Variants in OSBPL1A observed in about 807,000 individuals in gnomAD.
OSBPL1A encodes the protein oxysterol binding protein like 1A, also known as oxysterol-binding protein-related protein 1.
OSBPL1A carries 80 observed loss-of-function variants against 137.1 expected under a neutral mutation model. That is an observed-to-expected ratio of 0.58 (90% confidence interval 0.49 to 0.70). The LOEUF (loss-of-function observed/expected upper bound fraction) is 0.70, where lower values mean the gene tolerates loss of function less well. Ranked by LOEUF, OSBPL1A falls within the 30% of genes least tolerant of loss-of-function variation. The probability of loss-of-function intolerance (pLI) is 0.00; values close to 1 mark genes in which losing one functional copy is unlikely to be tolerated. For synonymous variants in OSBPL1A, 365 were observed against 389.7 expected (o/e 0.94, Z 0.75); for missense variants, 970 against 1,129.4 (o/e 0.86, Z 2.02).
intron 15 of OSBPL1A, among the ~76,000 whole-genome samples, chr18:24,251,085 C>G (rs532440443): frequency 3.9e-5 from 6 of 152,234 alleles, no homozygotes; most frequent in Non-Finnish European, 8.8e-5. Context: ...TCAGCTTAGC[C>G]ACAGTAGAAT....
At chr18:24,295,926 A>G (rs1304767522) in intron 14 of OSBPL1A, among the ~76,000 whole-genome samples, 1 of 152,058 alleles carries the variant, frequency 6.6e-6, no homozygotes, top group Non-Finnish European at 1.5e-5. Context: ...TATAATTTAA[A>G]GTCCAATAAT....
chr18:24,397,349 A>G (rs533674281), intron 1 of OSBPL1A, among the ~76,000 whole-genome samples: 8 of 152,350 alleles, frequency 5.3e-5, no homozygotes, highest in Non-Finnish European at 8.8e-5. Flanking sequence ...AAGATCTGGT[A>G]GGGGATGCAT....
chr18:24,175,139 C>CGT lies in OSBPL1A; in HGVS notation c.2094-2657_2094-2656insAC, dbSNP rs1567920404. ...ATATATATATATATATATATATACA[C>CGT]ATATATATATATATATGAAGTATCT... On this transcript the variant is annotated intron_variant, in intron 21 of 27. Coordinates refer to ENST00000319481, the MANE Select transcript of OSBPL1A (RefSeq NM_080597.4). Among the ~76,000 whole-genome samples the CGT allele has an allele frequency of 5.8e-5, 7 of 119,826 alleles. 1 individual carries two copies. Among genetic ancestry groups the CGT allele is most frequent in the African/African-American group, 3.0e-4 (7 of 23,016 alleles). 78.6% of individuals were successfully genotyped at this position (119,826 alleles called of 152,430 possible). A position where few individuals can be genotyped will look rare whatever the true frequency, so the allele number is the denominator to read the frequency against.
intron 15 of OSBPL1A, among the ~76,000 whole-genome samples, chr18:24,266,678 G>A (rs1003044642): frequency 2.6e-5 from 4 of 152,148 alleles, no homozygotes; most frequent in African/African-American, 9.7e-5. Context: ...TTAAATGTTA[G>A]GGGGATAGTA....
At chr18:24,351,046 C>G (rs2091429036) in intron 4 of OSBPL1A, among the ~76,000 whole-genome samples, 1 of 151,928 alleles carries the variant, frequency 6.6e-6, no homozygotes, top group Non-Finnish European at 1.5e-5. Context: ...CTAGGCAGAG[C>G]AAGAAGACAT....
intron 2 of OSBPL1A, among the ~76,000 whole-genome samples, chr18:24,373,646 C>T (rs746459423): frequency 6.6e-5 from 10 of 152,168 alleles, no homozygotes; most frequent in Admixed American, 1.3e-4. Context: ...CAAACAGTAA[C>T]ATCTCTATGT....
At chr18:24,339,613 G>A (rs540717955) in intron 5 of OSBPL1A, among the ~76,000 whole-genome samples, 55 of 152,166 alleles carry the variant, frequency 3.6e-4, no homozygotes, top group Non-Finnish European at 6.9e-4. Flanking sequence ...AGTCTGTCAG[G>A]AAAACCTCAG....
rs1023371299 is a variant in OSBPL1A, at chr18:24,214,353, T to C, written c.1601+10689A>G. ...AAAGGATTAACTAGGTCTCCTGCAGTGTGGAGCTCTCTAAGGAGCAGAGAG... is the reference window on the plus strand; with the variant it reads ...AAAGGATTAACTAGGTCTCCTGCAGCGTGGAGCTCTCTAAGGAGCAGAGAG... On this transcript the variant is annotated intron_variant, in intron 17 of 27. Coordinates refer to ENST00000319481, the MANE Select transcript of OSBPL1A (RefSeq NM_080597.4). 2.6e-5 allele frequency among the ~76,000 whole-genome samples: 4 copies of C among 152,202 alleles called. No individual in the cohort carries two copies. The East Asian group carries it at 7.7e-4, about 29-fold the overall frequency.
chr18:24,292,002 T>C (rs1359305763), intron 14 of OSBPL1A, among the ~76,000 whole-genome samples: 1 of 152,250 alleles, frequency 6.6e-6, no homozygotes, highest in East Asian at 1.9e-4. Flanking sequence ...GGAGAATCAC[T>C]TGAACCTGGG....
At chr18:24,258,024 A>G (rs570030915) in intron 15 of OSBPL1A, among the ~76,000 whole-genome samples, 3 of 152,354 alleles carry the variant, frequency 2.0e-5, no homozygotes, top group Admixed American at 6.5e-5. Context: ...GTGAGAATGT[A>G]AATTAGTGCA....
rs187353101 is a variant in OSBPL1A at position 24,344,199 on chromosome 18, C to T, written c.283-2541G>A. 3.0e-3 allele frequency among the ~76,000 whole-genome samples: 450 copies of T among 152,304 alleles called. 1 individual carries two copies. The highest frequency in any genetic ancestry group is 0.01 in the African/African-American group (423 of 41,572). ...GTCAATAAGCCCACGAAGGTAATCCCAGCACTTTGGGAGGCTGAGGCAGAC... is the reference window on the plus strand; with the variant it reads ...GTCAATAAGCCCACGAAGGTAATCCTAGCACTTTGGGAGGCTGAGGCAGAC... On this transcript the variant is annotated intron_variant, in intron 4 of 27. Coordinates refer to ENST00000319481, the MANE Select transcript of OSBPL1A (RefSeq NM_080597.4).
chr18:24,264,753 G>A (rs955449559), intron 15 of OSBPL1A, among the ~76,000 whole-genome samples: 1 of 152,256 alleles, frequency 6.6e-6, no homozygotes, highest in South Asian at 2.1e-4. Flanking sequence ...GGCCACATCC[G>A]CTTGGGCTGT....
In OSBPL1A at chr18:24,361,984, G is replaced by T. The variant is rs964817213; in HGVS notation, c.282+4908C>A. Among the ~76,000 whole-genome samples, 4 of 139,330 alleles carry T rather than the reference G, an allele frequency of 2.9e-5. No homozygotes were observed. In the Admixed American group the frequency reaches 3.0e-4, roughly 10 times the overall value. 91.4% of individuals were successfully genotyped at this position (139,330 alleles called of 152,430 possible). ...TGCACTCCAGCCTGGGTGACAATGG[G>T]AGACTCCATCTCAAAAAAAAAAAAA... On this transcript the variant is annotated intron_variant, in intron 4 of 27. Transcript: ENST00000319481.
intron 7 of OSBPL1A, among the ~76,000 whole-genome samples, chr18:24,324,455 T>TAAAAAAAAAA (rs145135815): frequency 3.1e-4 from 4 of 12,982 alleles, no homozygotes; most frequent in Admixed American, 1.4e-3. Context: ...CTGAAAAAGT[T>TAAAAAAAAAA]AAAAAAAAAA....
intron 17 of OSBPL1A, among the ~76,000 whole-genome samples, chr18:24,222,222 T>C (rs1241937940): frequency 2.0e-5 from 3 of 147,886 alleles, no homozygotes; most frequent in Non-Finnish European, 2.9e-5. Context: ...TTTGTTGAAA[T>C]GTTTAAAATC....
intron 5 of OSBPL1A, among the ~76,000 whole-genome samples, chr18:24,339,482 T>C (rs1386538202): frequency 6.6e-6 from 1 of 152,196 alleles, no homozygotes; most frequent in African/African-American, 2.4e-5. Flanking sequence ...TGACAAATCA[T>C]ATTACCTGTA....
chr18:24,162,169 T>A lies in OSBPL1A; in HGVS notation c.*1010A>T, dbSNP rs1283563244. 6.6e-6 allele frequency: 1 copy of A among 152,164 alleles called. No homozygotes were observed. The highest frequency in any genetic ancestry group is 1.5e-5 in the Non-Finnish European group (1 of 68,062). 9.4% of individuals were successfully genotyped at this position (152,164 alleles called of 1,614,324 possible). A position where few individuals can be genotyped will look rare whatever the true frequency, so the allele number is the denominator to read the frequency against. On this transcript the variant is annotated 3_prime_UTR_variant, in exon 28 of 28. Coordinates refer to ENST00000319481, the MANE Select transcript of OSBPL1A (RefSeq NM_080597.4). ...GCTACCTAGGCCCCTGGGAGCAGTATCTCAGTCTGGGGTTTGGGTGGATAA... is the reference window on the plus strand; with the variant it reads ...GCTACCTAGGCCCCTGGGAGCAGTAACTCAGTCTGGGGTTTGGGTGGATAA...
intron 17 of OSBPL1A, among the ~76,000 whole-genome samples, chr18:24,210,377 G>A (rs1357799389): frequency 6.6e-6 from 1 of 152,070 alleles, no homozygotes; most frequent in Non-Finnish European, 1.5e-5. Flanking sequence ...AAAATCGTGA[G>A]TAGTGAGCTA....
At chr18:24,174,126 C>T (rs532729874) in intron 21 of OSBPL1A, among the ~76,000 whole-genome samples, 2 of 152,218 alleles carry the variant, frequency 1.3e-5, no homozygotes, top group Non-Finnish European at 2.9e-5. Context: ...TGACCATTCA[C>T]CCACTGAAGG....
Sources: allele counts gnomAD v4.1 joint callset (sites outside exome capture counted in the v4.1 genomes callset), GRCh38; gene constraint gnomAD v4.1.1; transcripts MANE v1.5; gene names NCBI Gene and HGNC (gene_info 2026-07-23, HGNC 2026-07-21).